Variants in KLHL8 observed in about 807,000 individuals in gnomAD.
KLHL8 encodes kelch-like protein 8.
KLHL8 carries 38 observed loss-of-function variants against 63.5 expected under a neutral mutation model. That is an observed-to-expected ratio of 0.60 (90% CI 0.46 to 0.78). The LOEUF (loss-of-function observed/expected upper bound fraction) is 0.78, where lower values mean the gene tolerates loss of function less well. Among genes scored for constraint, KLHL8 ranks in the 30% least tolerant of loss-of-function variants. The probability of loss-of-function intolerance (pLI) is 0.00; values close to 1 mark genes in which losing one functional copy is unlikely to be tolerated. For missense variants in KLHL8, 566 were observed against 752.4 expected, an observed-to-expected ratio of 0.75 and a Z score of 2.90; for synonymous variants, 224 against 254.3, an observed-to-expected ratio of 0.88 and a Z score of 1.13.
intron 1 of KLHL8, among the ~76,000 whole-genome samples, chr4:87,226,017 G>GA (rs1732966709): frequency 6.6e-6 from 1 of 152,146 alleles, no homozygotes; most frequent in African/African-American, 2.4e-5. Context: ...AGAAATGACA[G>GA]AATGAGAGCA....
At chr4:87,236,624 G>A (rs756296329) in intron 1 of KLHL8, among the ~76,000 whole-genome samples, 9 of 148,430 alleles carry the variant, frequency 6.1e-5, no homozygotes, top group African/African-American at 1.7e-4. Flanking sequence ...TATTCATTGC[G>A]TACCTTTTGA....
At position 87,162,297 on chromosome 4, in the gene KLHL8, TG is replaced by T. The variant is rs1158753192; in HGVS notation, c.*1221del. 1 of 152,238 alleles carries T rather than the reference TG, an allele frequency of 6.6e-6. No individual in the cohort carries two copies. The highest frequency in any genetic ancestry group is 1.5e-5 in the Non-Finnish European group (1 of 68,036). The allele number at this position is 152,238 out of a possible 1,614,324, so 9.4% of individuals were successfully genotyped here. A position where few individuals can be genotyped will look rare whatever the true frequency, so the allele number is the denominator to read the frequency against. On this transcript the variant is annotated 3_prime_UTR_variant, in exon 10 of 10. Transcript: ENST00000273963. ...ATATAATGAATAGGCCATTTTATAA[TG>T]CTAGTTAAAACTTTGAAGAGCTGTT...
chr4:87,225,544 A>C (rs779152486), upstream of KLHL8, among the ~76,000 whole-genome samples: 1 of 152,198 alleles, frequency 6.6e-6, no homozygotes, highest in South Asian at 2.1e-4. Context: ...TTCCTAAAGG[A>C]CAATAGTCAA....
intron 1 of KLHL8, among the ~76,000 whole-genome samples, chr4:87,213,342 C>T (rs1164176600): frequency 6.6e-6 from 1 of 152,176 alleles, no homozygotes; most frequent in African/African-American, 2.4e-5. Flanking sequence ...ACAATGCCTA[C>T]TAAAAAATTA....
intron 1 of KLHL8, among the ~76,000 whole-genome samples, chr4:87,215,104 T>A (rs1280213690): frequency 6.6e-6 from 1 of 152,202 alleles, no homozygotes; most frequent in Non-Finnish European, 1.5e-5. Flanking sequence ...CGGCCAGAAT[T>A]TTTTAAGGTT....
chr4:87,186,723 A>G (rs1365149690), intron 2 of KLHL8, among the ~76,000 whole-genome samples: 1 of 151,870 alleles, frequency 6.6e-6, no homozygotes, highest in African/African-American at 2.4e-5. Context: ...CAAGTGATTC[A>G]CGCACTTTGG....
chr4:87,199,693 T>G (rs1170568732), intron 1 of KLHL8, among the ~76,000 whole-genome samples: 2 of 150,876 alleles, frequency 1.3e-5, no homozygotes, highest in Non-Finnish European at 3.0e-5. Flanking sequence ...AACCCAATTT[T>G]AAAATGGGCA....
At chr4:87,237,187 T>C (rs1578414466) in intron 1 of KLHL8, among the ~76,000 whole-genome samples, 1 of 151,986 alleles carries the variant, frequency 6.6e-6, no homozygotes, top group Non-Finnish European at 1.5e-5. Flanking sequence ...GAACTCCCAA[T>C]CCAACTGTCT....
In KLHL8 at chr4:87,170,117, T is replaced by C. The variant is rs773060567; in HGVS notation, c.1499A>G (p.Asn500Ser). 26 of 1,614,030 alleles carry C rather than the reference T, an allele frequency of 1.6e-5. No homozygotes were observed. In the Middle Eastern group the frequency reaches 4.9e-4, roughly 31 times the overall value. ...GCAACCATGAAGCTTGCTAACTCCA[T>C]TGCCTGCTCTTCGCTGACCCATTTC... ...VKEMGQRRAG[N>S]GVSKLHGCLY... The change falls in exon 8 of 10, where the codon AAT (asparagine) becomes AGT (serine). Residue 500 changes from asparagine to serine, a missense_variant. Asn to Ser is a conservative substitution (Grantham distance 46). Transcript: ENST00000273963.
At chr4:87,238,500 A>G (rs1220176781) in intron 1 of KLHL8, among the ~76,000 whole-genome samples, 1 of 152,194 alleles carries the variant, frequency 6.6e-6, no homozygotes, top group East Asian at 1.9e-4. Flanking sequence ...AGACCAGCCT[A>G]GCAAGACCCT....
At position 87,170,442 on chromosome 4, in the gene KLHL8, C is replaced by T. The variant is rs1341357014; in HGVS notation, c.1377+5G>A. 2 of 1,591,790 alleles carry T rather than the reference C, an allele frequency of 1.3e-6. No homozygotes were observed. The highest frequency in any genetic ancestry group is 2.2e-5 in the East Asian group (1 of 44,788). On this transcript the variant is annotated splice_donor_5th_base_variant and intron_variant, in intron 7 of 9. Transcript: ENST00000273963. ...AATTTAATGACAAGTTGCCATATAA[C>T]TTACTACTAGAGCAACAGAGCCAAC...
chr4:87,190,961 TCA>T (rs911694685), intron 2 of KLHL8, among the ~76,000 whole-genome samples: 12 of 152,264 alleles, frequency 7.9e-5, no homozygotes, highest in African/African-American at 2.4e-4. Flanking sequence ...TTATAACAAA[TCA>T]CAGTTTAGTT....
intron 2 of KLHL8, among the ~76,000 whole-genome samples, chr4:87,187,775 T>C (rs1222097184): frequency 6.6e-6 from 1 of 152,170 alleles, no homozygotes; most frequent in East Asian, 1.9e-4. Flanking sequence ...AGATATCTTC[T>C]TTTTAATACA....
upstream of KLHL8, among the ~76,000 whole-genome samples, chr4:87,222,196 G>A (rs1048414004): frequency 6.6e-6 from 1 of 152,214 alleles, no homozygotes; most frequent in East Asian, 1.9e-4. Flanking sequence ...AAGAAAGACT[G>A]AAGTCTGTCA....
At position 87,185,430 on chromosome 4, in the gene KLHL8, A is replaced by T. The variant is rs1731214884; in HGVS notation, c.586T>A (p.Phe196Ile). 6.2e-7 allele frequency: 1 copy of T among 1,614,050 alleles called. No homozygotes were observed. Among genetic ancestry groups the T allele is most frequent in the African/African-American group, 1.3e-5 (1 of 74,920 alleles). Residue 196 changes from phenylalanine (F) to isoleucine (I), a missense_variant, in exon 3 of 10, where the codon TTT becomes ATT. Coordinates refer to ENST00000273963, the MANE Select transcript of KLHL8 (RefSeq NM_020803.5). ...DMADQYACDH[F>I]TEVVECEDFV... ...TCTTCACACTCCACTACTTCAGTAA[A>T]ATGGTCACAGGCATACTGATCCGCC...
intron 1 of KLHL8, among the ~76,000 whole-genome samples, chr4:87,202,077 T>C (rs1351007733): frequency 1.3e-5 from 2 of 151,000 alleles, no homozygotes; most frequent in Non-Finnish European, 2.9e-5. Flanking sequence ...ACCGCTGCAC[T>C]CCAGCCTGGG....
chr4:87,167,044 G>A (rs1730430425), intron 8 of KLHL8: 1 of 253,236 alleles, frequency 3.9e-6, no homozygotes, highest in African/African-American at 2.3e-5. Context: ...CGAGGCTGTG[G>A]CCCTACTCAA....
chr4:87,198,075 T>C (rs532478872), intron 1 of KLHL8, among the ~76,000 whole-genome samples: 1 of 150,322 alleles, frequency 6.7e-6, no homozygotes, highest in South Asian at 2.1e-4. Flanking sequence ...TCCCAGCACT[T>C]TGGGAGACCA....
intron 1 of KLHL8, among the ~76,000 whole-genome samples, chr4:87,203,779 GA>G (rs970042740): frequency 1.3e-5 from 2 of 151,424 alleles, no homozygotes; most frequent in Non-Finnish European, 2.9e-5. Flanking sequence ...AAATATGAAA[GA>G]AAAAAATTGC....
Sources: allele counts gnomAD v4.1 joint callset (sites outside exome capture counted in the v4.1 genomes callset), GRCh38; gene constraint gnomAD v4.1.1; transcripts MANE v1.5; gene names NCBI Gene and HGNC (gene_info 2026-07-23, HGNC 2026-07-21).